CAPN13: variants seen among roughly 807,000 people sequenced by gnomAD.
CAPN13 encodes calpain 13.
CAPN13 carries 90 observed loss-of-function variants against 98.4 expected under a neutral mutation model. That is an observed-to-expected ratio of 0.92 (90% CI 0.77 to 1.09). The LOEUF is 1.09. CAPN13 is among the 50% of genes least tolerant of loss of function. The probability of loss-of-function intolerance (pLI) is 0.00; values close to 1 mark genes in which losing one functional copy is unlikely to be tolerated. For missense variants in CAPN13, 887 were observed against 841.3 expected, an observed-to-expected ratio of 1.05 and a Z score of -0.67; for synonymous variants, 330 against 305.5, an observed-to-expected ratio of 1.08 and a Z score of -0.84.
At chr2:30,751,368 T>C in intron 10 of CAPN13, 117 bp from the exon 11 acceptor site, 1 of 1,098,666 alleles carries the variant, frequency 9.1e-7, no homozygotes, top group Non-Finnish European at 1.3e-6. Context: ...ATTGGAGACC[T>C]AAGGCCTGGA....
At chr2:30,792,223 T>C (rs973420533) in intron 1 of CAPN13, among the ~76,000 whole-genome samples, 6 of 151,958 alleles carry the variant, frequency 3.9e-5, no homozygotes, top group South Asian at 4.1e-4. Flanking sequence ...GAGCAGAAAT[T>C]AATCAAACAG....
At chr2:30,777,918 G>A (rs2148053913) in intron 2 of CAPN13, among the ~76,000 whole-genome samples, 1 of 152,246 alleles carries the variant, frequency 6.6e-6, no homozygotes, top group East Asian at 1.9e-4. Flanking sequence ...GGATCAAATA[G>A]CCATTCCATC....
At chr2:30,741,763 G>A (rs1671670293) in intron 15 of CAPN13, 145 bp downstream of exon 15, 4 of 1,500,370 alleles carry the variant, frequency 2.7e-6, no homozygotes, top group Non-Finnish European at 3.6e-6. Flanking sequence ...CAGTTCTGGA[G>A]ACGATCCAGG....
chr2:30,733,693 G>A (rs899629826), intron 19 of CAPN13, among the ~76,000 whole-genome samples: 4 of 152,142 alleles, frequency 2.6e-5, no homozygotes, highest in Admixed American at 2.0e-4. Flanking sequence ...TGGGGGCAAC[G>A]GTCTGATCTT....
chr2:30,732,320 G>C, intron 20 of CAPN13, 118 bp downstream of exon 20: 1 of 1,321,118 alleles, frequency 7.6e-7, no homozygotes, highest in Non-Finnish European at 1.0e-6. Flanking sequence ...ACAGGCTGCT[G>C]GCCCACCCTG....
rs1671154658 is a variant in CAPN13, at chr2:30,732,500, C to A, written c.1865G>T (p.Ser622Ile). The stretch of plus-strand genomic sequence containing the variant: ...GCTGGGGAAGCTGACCCTGCCGACG[C>A]TGTCGCTGTACCTGAGGGTCACCAG... ...LHLVTLRYSD[S>I]VGRVSFPSLV... Residue 622 changes from serine to isoleucine, a missense_variant, in exon 20 of 23, where the codon AGC becomes ATC. Coordinates refer to ENST00000295055, the MANE Select transcript of CAPN13 (RefSeq NM_144575.3). The A allele has an allele frequency of 1.2e-6, 2 of 1,612,710 alleles. No individual in the cohort carries two copies. Among genetic ancestry groups the A allele is most frequent in the Admixed American group, 1.7e-5 (1 of 59,880 alleles).
intron 22 of CAPN13, among the ~76,000 whole-genome samples, chr2:30,728,994 A>T (rs1402584812): frequency 6.6e-6 from 1 of 152,200 alleles, no homozygotes; most frequent in Non-Finnish European, 1.5e-5. Context: ...AATTTAAAAG[A>T]TACACATTTT....
chr2:30,747,391 C>A (rs1209043340), intron 11 of CAPN13, among the ~76,000 whole-genome samples: 1 of 152,202 alleles, frequency 6.6e-6, no homozygotes, highest in Non-Finnish European at 1.5e-5. Context: ...TTGATTATTT[C>A]CCATTGTTGA....
At chr2:30,794,811 A>T (rs1256159005) in intron 1 of CAPN13, among the ~76,000 whole-genome samples, 2 of 151,914 alleles carry the variant, frequency 1.3e-5, no homozygotes, top group Non-Finnish European at 2.9e-5. Flanking sequence ...CTCCATTTAT[A>T]AAAAAATCCT....
chr2:30,788,251 A>G (rs1674425081), intron 1 of CAPN13, among the ~76,000 whole-genome samples: 1 of 152,186 alleles, frequency 6.6e-6, no homozygotes, highest in Non-Finnish European at 1.5e-5. Context: ...GAAGCTATGA[A>G]TCTCATAGGT....
chr2:30,743,803 C>A, intron 12 of CAPN13: 1 of 665,654 alleles, frequency 1.5e-6, no homozygotes, highest in African/African-American at 1.8e-5. Context: ...AAATACCACA[C>A]ACAGTTTCAT....
intron 18 of CAPN13, among the ~76,000 whole-genome samples, chr2:30,736,114 GAGGCCACATTGAGGCCTC>G (rs950837276): frequency 3.9e-5 from 6 of 151,918 alleles, no homozygotes; most frequent in Admixed American, 6.6e-5. Flanking sequence ...GAACAATGGG[GAGGCCACATTGAGGCCTC>G]AGGCCACATC....
Position 30,750,477 on chromosome 2 carries a change from T to C in CAPN13, c.1236+626A>G, listed in dbSNP as rs78607489. Among the ~76,000 whole-genome samples the C allele has an allele frequency of 2.3e-3, 343 of 151,926 alleles. 3 individuals are homozygous for C. The highest frequency in any genetic ancestry group is 7.5e-3 in the African/African-American group (309 of 41,416). ...CTAAAATAAAAGTTTCATAAAACCA[T>C]GAAAGGAGAGAGAGCCTAGGTGGAA... is the stretch of plus-strand genomic sequence containing the variant. On this transcript the variant is annotated intron_variant, in intron 11 of 22. Coordinates refer to ENST00000295055, the MANE Select transcript of CAPN13 (RefSeq NM_144575.3).
rs113789446 is a variant in CAPN13 at position 30,770,008 on chromosome 2, C to T, written c.524+305G>A. On this transcript the variant is annotated intron_variant, in intron 5 of 22. Coordinates refer to ENST00000295055, the MANE Select transcript of CAPN13 (RefSeq NM_144575.3). Reference sequence around the variant, plus strand: ...TCAGAGTCAGAATTGTTCACTCCTCCGCGCTCTCATCGGACTTTGACCGTG... The same window carrying T: ...TCAGAGTCAGAATTGTTCACTCCTCTGCGCTCTCATCGGACTTTGACCGTG... Among the ~76,000 whole-genome samples the T allele has an allele frequency of 4.7e-3, 712 of 152,262 alleles. 6 individuals carry two copies. Among genetic ancestry groups the T allele is most frequent in the African/African-American group, 0.015 (640 of 41,530 alleles).
chr2:30,732,424 T>G lies in CAPN13; in HGVS notation c.1927+14A>C, dbSNP rs752547830. ...ACTGCCAAGGTCTCTGGGATGCCCCTTGGGGACACTTACTTGCCATGGCTT... is the reference window on the plus strand; with the variant it reads ...ACTGCCAAGGTCTCTGGGATGCCCCGTGGGGACACTTACTTGCCATGGCTT... On this transcript the variant is annotated intron_variant, in intron 20 of 22. Coordinates refer to ENST00000295055, the MANE Select transcript of CAPN13 (RefSeq NM_144575.3). The G allele has an allele frequency of 2.5e-6, 4 of 1,612,832 alleles. No individual in the cohort carries two copies. In the East Asian group the frequency reaches 8.9e-5, roughly 36 times the overall value.
At chr2:30,785,357 G>T (rs1674216460) in intron 2 of CAPN13, among the ~76,000 whole-genome samples, 2 of 152,194 alleles carry the variant, frequency 1.3e-5, no homozygotes, top group African/African-American at 2.4e-5. Context: ...CACATGGAAA[G>T]CTCTGGAAAG....
Position 30,734,646 on chromosome 2 carries a change from C to A in CAPN13, c.1723-122G>T, listed in dbSNP as rs1431034261. On this transcript the variant is annotated intron_variant, in intron 18 of 22. Transcript: ENST00000295055. ...GAAGGCACGGTCACAGCACTGAGGA[C>A]TGGGAGGACACAGTGGCCACACCTG... The A allele has an allele frequency of 6.7e-6, 5 of 751,702 alleles. No homozygotes were observed. In the South Asian group the frequency reaches 7.9e-5, roughly 12 times the overall value. 46.6% of individuals were successfully genotyped at this position (751,702 alleles called of 1,614,324 possible).
intron 2 of CAPN13, 118 bp from the exon 3 acceptor site, chr2:30,777,757 C>T (rs779808289): frequency 1.9e-5 from 16 of 849,138 alleles, no homozygotes; most frequent in Non-Finnish European, 2.7e-5. Context: ...GCTTAAAATC[C>T]GAGTTAGGAA....
intron 11 of CAPN13, among the ~76,000 whole-genome samples, chr2:30,747,658 G>A (rs578173395): frequency 6.6e-6 from 1 of 152,342 alleles, no homozygotes; most frequent in African/African-American, 2.4e-5. Context: ...TGCCAGGGCT[G>A]GAGCATCATC....
Sources: allele counts gnomAD v4.1 joint callset (sites outside exome capture counted in the v4.1 genomes callset), GRCh38; gene constraint gnomAD v4.1.1; transcripts MANE v1.5; gene names NCBI Gene and HGNC (gene_info 2026-07-23, HGNC 2026-07-21).